Variants in PCDH15 observed in about 807,000 individuals in gnomAD.
PCDH15 encodes the protein protocadherin-15.
A neutral mutation model predicts 178.5 loss-of-function variants in PCDH15; 129 were observed. That is an observed-to-expected ratio of 0.72 (90% CI 0.63 to 0.84). PCDH15 has a LOEUF of 0.84. Ranked by LOEUF, PCDH15 falls within the 40% of genes least tolerant of loss-of-function variation. The probability of loss-of-function intolerance (pLI) is 0.00; values close to 1 mark genes in which losing one functional copy is unlikely to be tolerated. For synonymous variants in PCDH15, 800 were observed against 732.0 expected, an observed-to-expected ratio of 1.09 and a Z score of -1.50; for missense variants, 2,230 against 2,099.9, an observed-to-expected ratio of 1.06 and a Z score of -1.21.
At chr10:54,872,380 A>T (rs1954054825) in intron 3 of PCDH15, among the ~76,000 whole-genome samples, 1 of 152,170 alleles carries the variant, frequency 6.6e-6, no homozygotes, top group African/African-American at 2.4e-5. Context: ...AAAATTTTCA[A>T]ATAAAACCTA....
rs1822762 is a variant in PCDH15, at chr10:55,214,517, A to T, written c.-155-47866T>A. The stretch of plus-strand genomic sequence containing the variant: ...TAATACATGACCATTTTATATCCAA[A>T]TTTTTTTGTCTTAAATTCCTTGTTA... On this transcript the variant is annotated intron_variant, in intron 1 of 5. Coordinates refer to the PCDH15 transcript ENST00000458638. Among the ~76,000 whole-genome samples the T allele has an allele frequency of 3.0e-3, 450 of 149,134 alleles. 7 individuals are homozygous for T. The highest frequency in any genetic ancestry group is 0.01 in the African/African-American group (415 of 40,456).
chr10:54,751,250 T>A (rs902391030), intron 1 of PCDH15, among the ~76,000 whole-genome samples: 2 of 152,150 alleles, frequency 1.3e-5, no homozygotes, highest in African/African-American at 2.4e-5. Context: ...TGTTGAAGAA[T>A]TAAAACTGAG....
At chr10:54,651,989 A>T (rs2094273517) in intron 2 of PCDH15, among the ~76,000 whole-genome samples, 1 of 151,612 alleles carries the variant, frequency 6.6e-6, no homozygotes, top group African/African-American at 2.4e-5. Flanking sequence ...AAAAAAAACC[A>T]CACCTACCTT....
chr10:54,797,898 A>C (rs1952210987), intron 1 of PCDH15, among the ~76,000 whole-genome samples: 1 of 151,934 alleles, frequency 6.6e-6, no homozygotes, highest in South Asian at 2.1e-4. Context: ...CAAGTCTCTC[A>C]CTTCAGTTTA....
intron 2 of PCDH15, among the ~76,000 whole-genome samples, chr10:55,604,930 C>A (rs1459508451): frequency 6.6e-6 from 1 of 151,254 alleles, no homozygotes; most frequent in African/African-American, 2.4e-5. Context: ...ACACAAAAAA[C>A]CCTTCAAAAA....
At chr10:55,395,951 T>C (rs1837918249) in intron 2 of PCDH15, among the ~76,000 whole-genome samples, 1 of 152,164 alleles carries the variant, frequency 6.6e-6, no homozygotes, top group Non-Finnish European at 1.5e-5. Flanking sequence ...ATCTAAATTC[T>C]ACCCAAAAAA....
At chr10:53,874,789 T>G (rs1453600752) in intron 26 of PCDH15, among the ~76,000 whole-genome samples, 1 of 152,062 alleles carries the variant, frequency 6.6e-6, no homozygotes, top group African/African-American at 2.4e-5. Flanking sequence ...TTTGAATTAG[T>G]AGACACTGAA....
In PCDH15 at chr10:53,838,858, A is replaced by G. The variant is rs1363281546; in HGVS notation, c.3983+1462T>C. On this transcript the variant is annotated intron_variant, in intron 29 of 37. Coordinates refer to ENST00000644397, the MANE Select transcript of PCDH15 (RefSeq NM_001384140.1). ...GCGAGCTATTACTTCATTCATCTATATTTCCTCCACGGTTAGTATCCTGTT... is the reference window on the plus strand; with the variant it reads ...GCGAGCTATTACTTCATTCATCTATGTTTCCTCCACGGTTAGTATCCTGTT... Among the ~76,000 whole-genome samples, 4 of 151,976 alleles carry G rather than the reference A, an allele frequency of 2.6e-5. No homozygotes were observed. The South Asian group carries it at 8.3e-4, about 31-fold the overall frequency.
intron 2 of PCDH15, among the ~76,000 whole-genome samples, chr10:55,612,093 C>T (rs1270291185): frequency 1.3e-5 from 2 of 151,862 alleles, no homozygotes; most frequent in Non-Finnish European, 2.9e-5. Flanking sequence ...GAAATAAGTC[C>T]TAGTGATCTA....
chr10:55,305,129 T>G (rs16907228), intron 1 of PCDH15, among the ~76,000 whole-genome samples: 5 of 152,178 alleles, frequency 3.3e-5, no homozygotes, highest in African/African-American at 1.2e-4. Flanking sequence ...GTGAACATTC[T>G]GATCTATCTA....
chr10:55,192,923 GA>G (rs1039928935), intron 1 of PCDH15, among the ~76,000 whole-genome samples: 1 of 148,508 alleles, frequency 6.7e-6, no homozygotes, highest in Non-Finnish European at 1.5e-5. Flanking sequence ...AAAATATAGA[GA>G]AAAAATAGAT....
At chr10:54,950,753 C>A (rs1838319208) in intron 2 of PCDH15, among the ~76,000 whole-genome samples, 2 of 151,924 alleles carry the variant, frequency 1.3e-5, no homozygotes, top group South Asian at 2.1e-4. Context: ...ATTCATTGAC[C>A]TCTGCCTTGT....
intron 26 of PCDH15, among the ~76,000 whole-genome samples, chr10:53,873,292 ACAAT>A (rs1192769859): frequency 6.6e-6 from 1 of 152,228 alleles, no homozygotes; most frequent in Admixed American, 6.5e-5. Flanking sequence ...TCTCAGATCA[ACAAT>A]CAGTCTGGTG....
chr10:54,048,020 C>T (rs2093690263), intron 18 of PCDH15, among the ~76,000 whole-genome samples: 1 of 152,104 alleles, frequency 6.6e-6, no homozygotes, highest in Non-Finnish European at 1.5e-5. Flanking sequence ...TTTACATTTC[C>T]ACCAACAGTG....
In PCDH15 at chr10:53,804,237, T is replaced by C. The variant is rs1044319487; in HGVS notation, c.*2342A>G. The stretch of plus-strand genomic sequence containing the variant: ...TTGTTTTTACTGAAATGATCAAGTT[T>C]AAATTACTGAAATGTGTCTGCTAAG... On this transcript the variant is annotated 3_prime_UTR_variant, in exon 38 of 38. Coordinates refer to ENST00000644397, the MANE Select transcript of PCDH15 (RefSeq NM_001384140.1). The C allele has an allele frequency of 6.6e-6, 1 of 152,016 alleles. No individual in the cohort carries two copies. The highest frequency in any genetic ancestry group is 6.6e-5 in the Admixed American group (1 of 15,242). The allele number at this position is 152,016 out of a possible 1,614,324, so 9.4% of individuals were successfully genotyped here.
chr10:55,020,290 T>C (rs1307769625), intron 2 of PCDH15, among the ~76,000 whole-genome samples: 1 of 151,562 alleles, frequency 6.6e-6, no homozygotes. Context: ...TACAAATAGC[T>C]GATGAGGGGA....
At chr10:54,142,002 G>T (rs980682519) in intron 14 of PCDH15, among the ~76,000 whole-genome samples, 2 of 151,894 alleles carry the variant, frequency 1.3e-5, no homozygotes, top group African/African-American at 2.4e-5. Context: ...ATTTGCATTT[G>T]CCATTTTTCA....
intron 3 of PCDH15, among the ~76,000 whole-genome samples, chr10:54,464,468 G>A (rs1033407115): frequency 1.3e-5 from 2 of 152,128 alleles, no homozygotes; most frequent in African/African-American, 4.8e-5. Flanking sequence ...GAGTTTATAT[G>A]CATTTTGGGG....
intron 30 of PCDH15, among the ~76,000 whole-genome samples, 180 bp from the exon 31 acceptor site, chr10:53,828,753 C>T (rs1249720820): frequency 2.0e-5 from 3 of 151,990 alleles, no homozygotes; most frequent in East Asian, 3.9e-4. Context: ...AAAATAGTAT[C>T]GTTACCGTTA....
Sources: gnomAD v4.1 joint callset for allele counts (sites outside exome capture counted in the v4.1 genomes callset) on GRCh38, gnomAD v4.1.1 for gene constraint, MANE v1.5 for transcripts, NCBI Gene and HGNC (gene_info 2026-07-23, HGNC 2026-07-21) for gene names.